Variants in RAD54B observed in about 807,000 individuals in gnomAD.
RAD54B encodes the protein DNA repair and recombination protein RAD54B.
In RAD54B, 78 loss-of-function variants were observed where a neutral mutation model predicts 95.8. That is an observed-to-expected ratio of 0.81 (90% CI 0.68 to 0.98). RAD54B has a LOEUF of 0.98. RAD54B is among the 50% of genes least tolerant of loss of function. The pLI, the probability that RAD54B is intolerant of heterozygous loss-of-function variation, is 0.00. For missense variants in RAD54B, 957 were observed against 1,056.6 expected (o/e 0.91, Z 1.31); for synonymous variants, 328 against 354.9 (o/e 0.92, Z 0.85).
At chr8:94,447,479 C>T (rs1239902501) in intron 3 of RAD54B, among the ~76,000 whole-genome samples, 1 of 152,108 alleles carries the variant, frequency 6.6e-6, no homozygotes, top group Non-Finnish European at 1.5e-5. Flanking sequence ...TTGCTGGTGG[C>T]GTCTCACAAT....
intron 2 of RAD54B, 37 bp from the exon 3 acceptor site, chr8:94,458,473 A>G (rs1312818045): frequency 6.9e-7 from 1 of 1,450,176 alleles, no homozygotes; most frequent in Non-Finnish European, 9.2e-7. Flanking sequence ...TCAGAACTCA[A>G]ACCTAATTTT....
In RAD54B at chr8:94,466,659, G is replaced by A. The variant is rs191900921; in HGVS notation, c.135+746C>T. Among the ~76,000 whole-genome samples the A allele has an allele frequency of 4.4e-3, 667 of 152,058 alleles. 4 individuals carry two copies. The highest frequency in any genetic ancestry group is 5.1e-3 in the Non-Finnish European group (345 of 67,972). ...TGACCCCAGGTGATCTGCCCGTCTC[G>A]GCCTCCCAACGTGCTGGGATTACAG... On this transcript the variant is annotated intron_variant, in intron 2 of 14. Transcript: ENST00000336148.
intron 3 of RAD54B, among the ~76,000 whole-genome samples, chr8:94,436,112 T>C (rs192573870): frequency 6.6e-6 from 1 of 152,226 alleles, no homozygotes; most frequent in East Asian, 1.9e-4. Context: ...ATAAATTTTA[T>C]ATAAAATTGA....
chr8:94,472,850 C>G (rs996475033), intron 1 of RAD54B, among the ~76,000 whole-genome samples: 4 of 152,172 alleles, frequency 2.6e-5, no homozygotes, highest in African/African-American at 4.8e-5. Context: ...CCTTCTACAT[C>G]TAATACATGA....
intron 1 of RAD54B, among the ~76,000 whole-genome samples, chr8:94,471,482 T>C (rs1347302579): frequency 6.6e-6 from 1 of 152,156 alleles, no homozygotes; most frequent in Non-Finnish European, 1.5e-5. Flanking sequence ...ATAATCTATA[T>C]AAGATTGTAG....
chr8:94,375,541 A>C (rs1399079040), intron 14 of RAD54B, among the ~76,000 whole-genome samples: 1 of 152,214 alleles, frequency 6.6e-6, no homozygotes, highest in Non-Finnish European at 1.5e-5. Context: ...GCTATGTGGA[A>C]CTGTGAGTCT....
At chr8:94,448,890 T>C (rs1156669957) in intron 3 of RAD54B, among the ~76,000 whole-genome samples, 1 of 152,132 alleles carries the variant, frequency 6.6e-6, no homozygotes, top group Non-Finnish European at 1.5e-5. Flanking sequence ...TAAAATTGTA[T>C]TAGGTACTTT....
At chr8:94,423,968 A>T (rs1168211068) in intron 3 of RAD54B, among the ~76,000 whole-genome samples, 2 of 152,184 alleles carry the variant, frequency 1.3e-5, no homozygotes, top group Admixed American at 1.3e-4. Flanking sequence ...GAATGTCTTC[A>T]TCAAAAGACT....
chr8:94,385,349 GAAAAA>G (rs33952323), intron 11 of RAD54B, among the ~76,000 whole-genome samples: 2,218 of 146,388 alleles, frequency 0.015, 50 homozygotes, highest in African/African-American at 0.051. Flanking sequence ...ACCCTTCAGA[GAAAAA>G]AAAAAGTCCA....
intron 2 of RAD54B, among the ~76,000 whole-genome samples, chr8:94,461,321 C>T (rs1281635296): frequency 6.6e-6 from 1 of 151,162 alleles, no homozygotes; most frequent in Non-Finnish European, 1.5e-5. Flanking sequence ...TACAGGCATG[C>T]ACCACCACAC....
chr8:94,436,689 G>C, intron 3 of RAD54B: 1 of 1,550,664 alleles, frequency 6.4e-7, no homozygotes, highest in Non-Finnish European at 8.7e-7. Context: ...TTCGAGGAGG[G>C]CGGTCTACTC....
intron 2 of RAD54B, among the ~76,000 whole-genome samples, chr8:94,463,541 TATC>T (rs948250797): frequency 1.6e-4 from 25 of 151,910 alleles, no homozygotes; most frequent in African/African-American, 6.0e-4. Context: ...AACATAGAAT[TATC>T]ATATGATCCA....
chr8:94,409,018 G>A (rs1375381727), intron 4 of RAD54B, among the ~76,000 whole-genome samples: 1 of 150,254 alleles, frequency 6.7e-6, no homozygotes, highest in Non-Finnish European at 1.5e-5. Context: ...TTTTTCCTAG[G>A]TATTATGCAA....
chr8:94,394,329 G>A (rs1563640339), intron 8 of RAD54B, among the ~76,000 whole-genome samples: 1 of 152,126 alleles, frequency 6.6e-6, no homozygotes, highest in Non-Finnish European at 1.5e-5. Context: ...CATAATAAAT[G>A]TTCTATAACT....
intron 1 of RAD54B, among the ~76,000 whole-genome samples, chr8:94,473,272 A>G (rs1210996236): frequency 6.6e-6 from 1 of 152,188 alleles, no homozygotes; most frequent in Non-Finnish European, 1.5e-5. Context: ...CAGTCCTTCC[A>G]AGTAAAATGG....
intron 3 of RAD54B, among the ~76,000 whole-genome samples, chr8:94,424,502 G>A (rs1563651449): frequency 6.6e-6 from 1 of 152,136 alleles, no homozygotes; most frequent in East Asian, 1.9e-4. Flanking sequence ...GGAATAGAGA[G>A]GGTGAATAAT....
chr8:94,407,393 T>G (rs1269011040), intron 5 of RAD54B, 46 bp downstream of exon 5: 34 of 1,531,482 alleles, frequency 2.2e-5, no homozygotes, highest in Non-Finnish European at 2.7e-5. Flanking sequence ...ACAAAAAACA[T>G]TTTGACAGTA....
chr8:94,458,800 G>A (rs1263362416), intron 2 of RAD54B, among the ~76,000 whole-genome samples: 5 of 152,030 alleles, frequency 3.3e-5, no homozygotes, highest in Non-Finnish European at 7.4e-5. Context: ...TCAGGAGGCG[G>A]AGGTTGCAGT....
chr8:94,443,247 A>G (rs1336973832), intron 3 of RAD54B, among the ~76,000 whole-genome samples: 1 of 152,170 alleles, frequency 6.6e-6, no homozygotes, highest in Non-Finnish European at 1.5e-5. Flanking sequence ...GCATGTTCTC[A>G]CTTATAAGTG....
Sources: gnomAD v4.1 joint callset for allele counts (sites outside exome capture counted in the v4.1 genomes callset) on GRCh38, gnomAD v4.1.1 for gene constraint, MANE v1.5 for transcripts, NCBI Gene and HGNC (gene_info 2026-07-23, HGNC 2026-07-21) for gene names.